ZNF618: variants seen among roughly 807,000 people sequenced by gnomAD.
ZNF618 encodes the protein zinc finger protein 618, also known as neural precursor cell expressed, developmentally down-regulated 10.
Under a neutral mutation model 103.0 loss-of-function variants are expected in ZNF618, and 34 were observed. The ratio of observed to expected loss-of-function variants is 0.33; its 90% CI spans 0.25 to 0.44. ZNF618 has a LOEUF of 0.44. ZNF618 is among the 20% of genes least tolerant of loss of function. The pLI, the probability that ZNF618 is intolerant of heterozygous loss-of-function variation, is 1.00. For missense variants in ZNF618, 1,059 were observed against 1,295.4 expected (o/e 0.82, Z 2.80); for synonymous variants, 551 against 542.2 (o/e 1.02, Z -0.23).
At chr9:113,972,813 C>T (rs1190683543) in intron 2 of ZNF618, among the ~76,000 whole-genome samples, 2 of 152,116 alleles carry the variant, frequency 1.3e-5, no homozygotes, top group Admixed American at 6.5e-5. Context: ...ACCCCTGTAA[C>T]CCCAGTACTT....
rs947733546 is a variant in ZNF618 at position 114,028,979 on chromosome 9, A to G, written c.1084+7A>G. The G allele has an allele frequency of 6.5e-7, 1 of 1,548,932 alleles. No individual in the cohort carries two copies. The highest frequency in any genetic ancestry group is 1.4e-5 in the African/African-American group (1 of 73,034). Reference sequence around the variant, plus strand: ...GCGAGCAAGGCAACCGCAGGTACCAATGGCCTATGTGACCCCCACACTTTC... The same window carrying G: ...GCGAGCAAGGCAACCGCAGGTACCAGTGGCCTATGTGACCCCCACACTTTC... On this transcript the variant is annotated splice_region_variant and intron_variant, in intron 11 of 14. Coordinates refer to ENST00000374126, the MANE Select transcript of ZNF618 (RefSeq NM_001318042.2).
chr9:114,000,902 T>G (rs1224357581), intron 4 of ZNF618, among the ~76,000 whole-genome samples: 2 of 152,236 alleles, frequency 1.3e-5, no homozygotes, highest in African/African-American at 4.8e-5. Flanking sequence ...CATCCCCAGA[T>G]GCTGGGCACC....
intron 1 of ZNF618, among the ~76,000 whole-genome samples, chr9:113,903,086 G>A (rs961922385): frequency 6.6e-6 from 1 of 152,200 alleles, no homozygotes; most frequent in South Asian, 2.1e-4. Flanking sequence ...CCTGAACTGA[G>A]TAAGTCATAA....
chr9:114,046,626 A>G (rs1343083926), intron 13 of ZNF618, among the ~76,000 whole-genome samples: 1 of 152,204 alleles, frequency 6.6e-6, no homozygotes. Context: ...GATCTTAGGG[A>G]GAAAGCTTTC....
chr9:113,961,072 G>A (rs1836800781), intron 1 of ZNF618, among the ~76,000 whole-genome samples: 1 of 152,208 alleles, frequency 6.6e-6, no homozygotes, highest in African/African-American at 2.4e-5. Flanking sequence ...CATCCAGCCT[G>A]TGTTAGCTTT....
At chr9:113,919,873 A>G (rs986080815) in intron 1 of ZNF618, among the ~76,000 whole-genome samples, 1 of 152,266 alleles carries the variant, frequency 6.6e-6, no homozygotes, top group African/African-American at 2.4e-5. Context: ...TTGTAAAAGT[A>G]TCACAGTCAA....
rs777888074 is a variant in ZNF618 at position 113,936,920 on chromosome 9, G to GT, written c.34-32190dup. On this transcript the variant is annotated intron_variant, in intron 1 of 14. Transcript: ENST00000374126. Reference sequence around the variant, plus strand: ...TTATCTATTTGTTGATAAACTCTTTGTTTTTTTACTATATCTGATTTTCTT... The same window carrying GT: ...TTATCTATTTGTTGATAAACTCTTTGTTTTTTTTACTATATCTGATTTTCTT... 1.3e-4 allele frequency among the ~76,000 whole-genome samples: 19 copies of GT among 151,722 alleles called. No homozygotes were observed. The East Asian group carries it at 2.7e-3, about 22-fold the overall frequency.
intron 6 of ZNF618, among the ~76,000 whole-genome samples, chr9:114,003,531 C>T (rs1439649564): frequency 1.3e-5 from 2 of 152,146 alleles, no homozygotes; most frequent in Non-Finnish European, 2.9e-5. Flanking sequence ...GTAGTGAGAA[C>T]GAACAATTTA....
At chr9:114,020,993 A>G (rs991339750) in intron 10 of ZNF618, among the ~76,000 whole-genome samples, 1 of 152,066 alleles carries the variant, frequency 6.6e-6, no homozygotes, top group Non-Finnish European at 1.5e-5. Context: ...AGTTTTTCTT[A>G]TAAATTGATG....
chr9:113,938,373 G>A (rs1834222537), intron 1 of ZNF618, among the ~76,000 whole-genome samples: 1 of 150,820 alleles, frequency 6.6e-6, no homozygotes, highest in Non-Finnish European at 1.5e-5. Context: ...TAAGGACAGA[G>A]TCTTACTATG....
At chr9:113,972,092 G>A (rs1236024679) in intron 2 of ZNF618, among the ~76,000 whole-genome samples, 1 of 152,180 alleles carries the variant, frequency 6.6e-6, no homozygotes, top group Non-Finnish European at 1.5e-5. Flanking sequence ...CTGTTGCTCA[G>A]GCTGGAGTGC....
intron 10 of ZNF618, chr9:114,028,518 G>A (rs1237263084): frequency 7.3e-6 from 5 of 682,454 alleles, no homozygotes; most frequent in Admixed American, 6.0e-5. Context: ...GGGCTGGTTG[G>A]TGGCCTCCAG....
chr9:113,912,056 G>A (rs1831601104), intron 1 of ZNF618, among the ~76,000 whole-genome samples: 1 of 152,186 alleles, frequency 6.6e-6, no homozygotes, highest in Non-Finnish European at 1.5e-5. Context: ...GGGCCTGAGA[G>A]TCTTCATTTC....
chr9:114,038,011 C>T (rs995298587), intron 13 of ZNF618, among the ~76,000 whole-genome samples: 25 of 152,190 alleles, frequency 1.6e-4, no homozygotes, highest in African/African-American at 6.0e-4. Context: ...CTTCCCGCCC[C>T]CTGCTTTCCT....
At chr9:113,895,172 G>C (rs889580368) in intron 1 of ZNF618, among the ~76,000 whole-genome samples, 1 of 151,440 alleles carries the variant, frequency 6.6e-6, no homozygotes, top group Non-Finnish European at 1.5e-5. Context: ...TGATACGATA[G>C]AGGAGTGATT....
chr9:113,921,203 C>T (rs1380130567), intron 1 of ZNF618, among the ~76,000 whole-genome samples: 1 of 152,234 alleles, frequency 6.6e-6, no homozygotes, highest in Non-Finnish European at 1.5e-5. Flanking sequence ...CACCTAATAC[C>T]TGGGTGTTCC....
intron 13 of ZNF618, among the ~76,000 whole-genome samples, chr9:114,043,944 A>T (rs953218676): frequency 6.6e-6 from 1 of 152,140 alleles, no homozygotes; most frequent in Non-Finnish European, 1.5e-5. Context: ...TAGATTCTGG[A>T]TATTAGTCCT....
chr9:113,991,442 G>T (rs1588261497), intron 3 of ZNF618, among the ~76,000 whole-genome samples: 1 of 152,212 alleles, frequency 6.6e-6, no homozygotes, highest in African/African-American at 2.4e-5. Context: ...GTCTGTCTCA[G>T]TTCTTACAAT....
At chr9:113,993,653 C>T (rs535415371) in intron 3 of ZNF618, among the ~76,000 whole-genome samples, 5 of 152,216 alleles carry the variant, frequency 3.3e-5, no homozygotes, top group South Asian at 4.2e-4. Flanking sequence ...CCCAGAGACC[C>T]GAGACTTAAC....
Sources: allele counts gnomAD v4.1 joint callset (sites outside exome capture counted in the v4.1 genomes callset), GRCh38; gene constraint gnomAD v4.1.1; transcripts MANE v1.5; gene names NCBI Gene and HGNC (gene_info 2026-07-23, HGNC 2026-07-21).